GRID1: variants seen among roughly 807,000 people sequenced by gnomAD.
GRID1 encodes glutamate ionotropic receptor delta type subunit 1.
A neutral mutation model predicts 98.0 loss-of-function variants in GRID1; 28 were observed. The ratio of observed to expected loss-of-function variants is 0.29; its 90% confidence interval spans 0.21 to 0.39. The LOEUF is 0.39. Among genes scored for constraint, GRID1 ranks in the 10% least tolerant of loss-of-function variants. The pLI is 1.00. For missense variants in GRID1, 1,111 were observed against 1,340.5 expected, an observed-to-expected ratio of 0.83 and a Z score of 2.67; for synonymous variants, 553 against 538.5, an observed-to-expected ratio of 1.03 and a Z score of -0.37.
At chr10:86,164,177 T>C (rs1335790988) in intron 3 of GRID1, among the ~76,000 whole-genome samples, 1 of 152,210 alleles carries the variant, frequency 6.6e-6, no homozygotes, top group East Asian at 1.9e-4. Context: ...ACGATGACAT[T>C]TGTACTGTAA....
chr10:85,683,865 G>GTGA (rs988423768), intron 12 of GRID1, among the ~76,000 whole-genome samples: 5 of 152,074 alleles, frequency 3.3e-5, no homozygotes, highest in African/African-American at 9.7e-5. Flanking sequence ...GGTTTTCCCT[G>GTGA]TGATAAAGAG....
intron 8 of GRID1, among the ~76,000 whole-genome samples, chr10:85,817,389 G>T (rs1208561241): frequency 6.6e-6 from 1 of 152,004 alleles, no homozygotes; most frequent in South Asian, 2.1e-4. Flanking sequence ...AGCCCAGCAT[G>T]GTGGCATGTC....
Position 86,074,364 on chromosome 10 carries a change from G to T in GRID1, c.726+64455C>A, listed in dbSNP as rs903876631. Among the ~76,000 whole-genome samples the T allele has an allele frequency of 7.2e-5, 11 of 152,082 alleles. No homozygotes were observed. The East Asian group carries it at 2.1e-3, about 29-fold the overall frequency. On this transcript the variant is annotated intron_variant, in intron 4 of 15. Transcript: ENST00000327946. ...GTCTCTGAGAACTATCATTCTACCCGCTACCGCCACGTGTTCAAATGTTTT... is the reference window on the plus strand; with the variant it reads ...GTCTCTGAGAACTATCATTCTACCCTCTACCGCCACGTGTTCAAATGTTTT...
At chr10:86,270,227 C>T (rs1847164019) in intron 2 of GRID1, among the ~76,000 whole-genome samples, 1 of 152,156 alleles carries the variant, frequency 6.6e-6, no homozygotes, top group Non-Finnish European at 1.5e-5. Flanking sequence ...ATGCATTGTT[C>T]CATTCAGTAC....
chr10:85,806,558 A>C (rs1032041892), intron 8 of GRID1, among the ~76,000 whole-genome samples: 2 of 152,182 alleles, frequency 1.3e-5, no homozygotes, highest in African/African-American at 2.4e-5. Context: ...GGAAAAAAAA[A>C]CAAATTTTCA....
In GRID1 at chr10:86,226,150, C is replaced by T. The variant is rs115447458; in HGVS notation, c.236-19502G>A. On this transcript the variant is annotated intron_variant, in intron 2 of 15. Coordinates refer to ENST00000327946, the MANE Select transcript of GRID1 (RefSeq NM_017551.3). ...GACATCCCGGAAGACCTCAGAGCCA[C>T]GTCTCTGGACAGGGGACCTGCCTGT... is the stretch of plus-strand genomic sequence containing the variant. Among the ~76,000 whole-genome samples, 1,155 of 152,122 alleles carry T rather than the reference C, an allele frequency of 7.6e-3. 14 individuals are homozygous for T. The highest frequency in any genetic ancestry group is 0.024 in the African/African-American group (992 of 41,460).
chr10:85,803,436 G>A (rs765801453), intron 8 of GRID1, among the ~76,000 whole-genome samples: 35 of 151,754 alleles, frequency 2.3e-4, no homozygotes, highest in Non-Finnish European at 5.2e-4. Flanking sequence ...GACATTTATG[G>A]AACACCACAT....
chr10:85,852,880 G>A (rs1430493027), intron 8 of GRID1, among the ~76,000 whole-genome samples: 2 of 152,108 alleles, frequency 1.3e-5, no homozygotes, highest in Non-Finnish European at 2.9e-5. Flanking sequence ...GGAAGTCACA[G>A]AATAGTTGCT....
intron 3 of GRID1, among the ~76,000 whole-genome samples, chr10:86,193,157 G>A (rs1845829116): frequency 6.6e-6 from 1 of 152,076 alleles, no homozygotes; most frequent in Non-Finnish European, 1.5e-5. Context: ...GCACTCACCT[G>A]TAGCTCAGGG....
At chr10:86,300,645 A>G (rs1057373311) in intron 2 of GRID1, among the ~76,000 whole-genome samples, 1 of 151,774 alleles carries the variant, frequency 6.6e-6, no homozygotes, top group Non-Finnish European at 1.5e-5. Flanking sequence ...TGGCCTGGGA[A>G]TGGCAAAGAC....
At chr10:86,120,424 T>C (rs891453443) in intron 4 of GRID1, among the ~76,000 whole-genome samples, 3 of 152,328 alleles carry the variant, frequency 2.0e-5, no homozygotes, top group Middle Eastern at 3.4e-3. Flanking sequence ...CTTATACCTA[T>C]TCTGTATTAT....
At chr10:85,829,627 A>G (rs1230165240) in intron 8 of GRID1, among the ~76,000 whole-genome samples, 2 of 152,192 alleles carry the variant, frequency 1.3e-5, no homozygotes, top group African/African-American at 2.4e-5. Context: ...TCAATACACA[A>G]AAATCCGTAG....
intron 8 of GRID1, among the ~76,000 whole-genome samples, chr10:85,804,577 C>T (rs1842605407): frequency 6.6e-6 from 1 of 151,494 alleles, no homozygotes; most frequent in African/African-American, 2.4e-5. Context: ...AGATTAATAC[C>T]CTTCATCATA....
intron 3 of GRID1, among the ~76,000 whole-genome samples, chr10:86,177,856 A>ATG (rs149649214): frequency 1.1e-4 from 17 of 151,214 alleles, no homozygotes; most frequent in Non-Finnish European, 1.5e-4. Flanking sequence ...ACTTCAGTGT[A>ATG]TGTGTGTGTG....
chr10:85,990,440 A>T (rs1842666384), intron 4 of GRID1, among the ~76,000 whole-genome samples: 3 of 152,228 alleles, frequency 2.0e-5, no homozygotes, highest in Admixed American at 2.0e-4. Context: ...CACTTAAAGG[A>T]GACAATATGC....
intron 8 of GRID1, among the ~76,000 whole-genome samples, chr10:85,738,121 C>G (rs1488762893): frequency 6.6e-6 from 1 of 151,946 alleles, no homozygotes; most frequent in Non-Finnish European, 1.5e-5. Flanking sequence ...AAGCTACCAT[C>G]CAAAAGTTAT....
At chr10:85,797,107 A>C (rs559138103) in intron 8 of GRID1, among the ~76,000 whole-genome samples, 2 of 152,242 alleles carry the variant, frequency 1.3e-5, no homozygotes, top group East Asian at 3.8e-4. Context: ...AGAAACCAAA[A>C]TGGGAATGAA....
At chr10:85,633,677 T>C (rs1843000563) in intron 13 of GRID1, among the ~76,000 whole-genome samples, 1 of 152,206 alleles carries the variant, frequency 6.6e-6, no homozygotes, top group South Asian at 2.1e-4. Flanking sequence ...CTAACTCCAT[T>C]TGTGGCTAAG....
intron 4 of GRID1, among the ~76,000 whole-genome samples, chr10:86,106,783 C>T (rs1194562773): frequency 6.6e-6 from 1 of 152,096 alleles, no homozygotes; most frequent in Admixed American, 6.5e-5. Flanking sequence ...TGCATGGCCG[C>T]TGGCAATGGA....
Sources: allele counts gnomAD v4.1 joint callset (sites outside exome capture counted in the v4.1 genomes callset), GRCh38; gene constraint gnomAD v4.1.1; transcripts MANE v1.5; gene names NCBI Gene and HGNC (gene_info 2026-07-23, HGNC 2026-07-21).